Variants in NACC2 observed in about 807,000 individuals in gnomAD.
NACC2 encodes the protein NACC family member 2.
Under a neutral mutation model 25.1 loss-of-function variants are expected in NACC2, and 8 were observed. The observed-to-expected ratio is 0.32, with a 90% CI of 0.19 to 0.57. The LOEUF is 0.57. Ranked by LOEUF, NACC2 falls within the 20% of genes least tolerant of loss-of-function variation. The probability of loss-of-function intolerance (pLI) is 0.89; values close to 1 mark genes in which losing one functional copy is unlikely to be tolerated. For missense variants in NACC2, 644 were observed against 650.2 expected (o/e 0.99, Z 0.10); for synonymous variants, 435 against 294.7 (o/e 1.48, Z -4.88).
intron 1 of NACC2, among the ~76,000 whole-genome samples, chr9:136,068,485 G>T (rs1192691963): frequency 1.5e-5 from 2 of 135,162 alleles, no homozygotes; most frequent in Non-Finnish European, 3.1e-5. Flanking sequence ...GGCAACAAGA[G>T]TGAAACTCCG....
In NACC2 at chr9:136,050,214, G is replaced by A; in HGVS notation, c.308C>T (p.Thr103Met). The A allele has an allele frequency of 3.9e-6, 3 of 772,264 alleles. No individual in the cohort carries two copies. Among genetic ancestry groups the A allele is most frequent in the African/African-American group, 1.7e-5 (1 of 59,156 alleles). 47.8% of individuals were successfully genotyped at this position (772,264 alleles called of 1,614,324 possible). A position where few individuals can be genotyped will look rare whatever the true frequency, so the allele number is the denominator to read the frequency against. Reference protein sequence around the residue: ...TASEQLVVMYTAGFLQIQHIV... With the variant: ...TASEQLVVMYMAGFLQIQHIV... ...GTGCTGGATCTGCAGGAAGCCGGCC[G>A]TGTACATGACCACGAGCTGCTCGCT... is the stretch of plus-strand genomic sequence containing the variant. The change falls in exon 2 of 6, where the codon ACG (threonine) becomes ATG (methionine). Residue 103 changes from threonine (T) to methionine (M), a missense_variant. Transcript: ENST00000277554.
chr9:136,091,303 G>A (rs1304988048), intron 1 of NACC2, among the ~76,000 whole-genome samples: 1 of 152,222 alleles, frequency 6.6e-6, no homozygotes, highest in African/African-American at 2.4e-5. Flanking sequence ...ATGCTACTCT[G>A]TAGCAGGACG....
At chr9:136,066,171 C>T (rs1245477535) in intron 1 of NACC2, among the ~76,000 whole-genome samples, 2 of 120,982 alleles carry the variant, frequency 1.7e-5, no homozygotes, top group Admixed American at 1.9e-4. Flanking sequence ...CTAGCCTGGG[C>T]AATAGAGTGA....
At chr9:136,062,240 T>C (rs1392220397) in intron 1 of NACC2, among the ~76,000 whole-genome samples, 4 of 152,060 alleles carry the variant, frequency 2.6e-5, no homozygotes, top group Admixed American at 1.3e-4. Flanking sequence ...AGCAACATGA[T>C]GACTGCAAAT....
chr9:136,067,248 C>T (rs923469141), intron 1 of NACC2, among the ~76,000 whole-genome samples: 1 of 108,762 alleles, frequency 9.2e-6, no homozygotes, highest in Non-Finnish European at 1.7e-5. Flanking sequence ...GCCTAAGCAA[C>T]AAGAGGGAAA....
chr9:136,092,739 G>A (rs1194815017), intron 1 of NACC2, among the ~76,000 whole-genome samples: 2 of 152,178 alleles, frequency 1.3e-5, no homozygotes, highest in African/African-American at 2.4e-5. Flanking sequence ...AAATGTGTTC[G>A]TTACACTGGG....
rs558659369 is a variant in NACC2 at position 136,078,204 on chromosome 9, A to G, written c.-60+16985T>C. ...AACCCTCATCCCCAAGGCCGGGTGC[A>G]TACCCACCACCTGGCAGGGGTCCCC... On this transcript the variant is annotated intron_variant, in intron 1 of 5. Transcript: ENST00000277554. Among the ~76,000 whole-genome samples, 146 of 152,328 alleles carry G rather than the reference A, an allele frequency of 9.6e-4. 1 individual carries two copies. Among genetic ancestry groups the G allele is most frequent in the African/African-American group, 3.3e-3 (138 of 41,582 alleles).
intron 1 of NACC2, among the ~76,000 whole-genome samples, chr9:136,088,445 C>A (rs1253218387): frequency 6.6e-6 from 1 of 152,136 alleles, no homozygotes; most frequent in Non-Finnish European, 1.5e-5. Flanking sequence ...TGCCCCTGAG[C>A]CCCTGGAAGC....
At chr9:136,068,461 T>C (rs1261730335) in intron 1 of NACC2, among the ~76,000 whole-genome samples, 1 of 143,652 alleles carries the variant, frequency 7.0e-6, no homozygotes, top group Non-Finnish European at 1.5e-5. Flanking sequence ...ATCACACCAT[T>C]GCACTCCGGC....
intron 2 of NACC2, among the ~76,000 whole-genome samples, chr9:136,016,663 G>A (rs577743974): frequency 6.6e-6 from 1 of 152,280 alleles, no homozygotes; most frequent in Admixed American, 6.5e-5. Context: ...TCACAGGGAA[G>A]CTCTTGTGAA....
At chr9:136,089,031 C>T (rs1354686964) in intron 1 of NACC2, among the ~76,000 whole-genome samples, 2 of 152,242 alleles carry the variant, frequency 1.3e-5, no homozygotes, top group Non-Finnish European at 2.9e-5. Flanking sequence ...TTATGTTTCC[C>T]TTTATAGAAA....
At chr9:136,067,521 GAAC>G (rs998316403) in intron 1 of NACC2, among the ~76,000 whole-genome samples, 8 of 152,060 alleles carry the variant, frequency 5.3e-5, no homozygotes, top group Non-Finnish European at 8.8e-5. Context: ...GTCGTTCTGT[GAAC>G]ACCACAGAAT....
At chr9:136,040,120 T>C (rs1588567094) in intron 2 of NACC2, among the ~76,000 whole-genome samples, 1 of 151,794 alleles carries the variant, frequency 6.6e-6, no homozygotes, top group Non-Finnish European at 1.5e-5. Flanking sequence ...CTGAGGCGGG[T>C]GGATTACAAG....
At chr9:136,059,615 C>G (rs920147961) in intron 1 of NACC2, among the ~76,000 whole-genome samples, 8 of 152,230 alleles carry the variant, frequency 5.3e-5, no homozygotes, top group Admixed American at 5.2e-4. Flanking sequence ...TCAGCAGGCC[C>G]AGCAAGGAAC....
intron 2 of NACC2, among the ~76,000 whole-genome samples, chr9:136,048,040 C>G (rs924072061): frequency 6.6e-6 from 1 of 152,216 alleles, no homozygotes; most frequent in Non-Finnish European, 1.5e-5. Context: ...GGTGCAGCTC[C>G]CTGACCCGTC....
chr9:136,083,927 C>T (rs894780147), intron 1 of NACC2, among the ~76,000 whole-genome samples: 3 of 152,132 alleles, frequency 2.0e-5, no homozygotes, highest in South Asian at 2.1e-4. Flanking sequence ...GGCCCAGAGA[C>T]AGATGCAGTC....
intron 2 of NACC2, among the ~76,000 whole-genome samples, chr9:136,027,750 T>C (rs1359510013): frequency 6.6e-5 from 10 of 152,210 alleles, no homozygotes; most frequent in Admixed American, 3.3e-4. Flanking sequence ...CTAAGTGCTT[T>C]ACTTTAAAAG....
intron 1 of NACC2, among the ~76,000 whole-genome samples, chr9:136,076,883 G>A (rs368814974): frequency 4.0e-4 from 61 of 152,020 alleles, no homozygotes; most frequent in African/African-American, 1.5e-3. Flanking sequence ...GGTGGCGGGC[G>A]CCTGTAGTCC....
At chr9:136,065,680 C>T (rs34696092) in intron 1 of NACC2, among the ~76,000 whole-genome samples, 8,973 of 151,952 alleles carry the variant, frequency 0.059, 393 homozygotes, top group Admixed American at 0.088. Context: ...GTGGCACATG[C>T]CTGTAGTCCC....
Sources: gnomAD v4.1 joint callset for allele counts (sites outside exome capture counted in the v4.1 genomes callset) on GRCh38, gnomAD v4.1.1 for gene constraint, MANE v1.5 for transcripts, NCBI Gene and HGNC (gene_info 2026-07-23, HGNC 2026-07-21) for gene names.